ST18: variants seen among roughly 807,000 people sequenced by gnomAD.
ST18 encodes the protein ST18 C2H2C-type zinc finger transcription factor.
Under a neutral mutation model 110.0 loss-of-function variants are expected in ST18, and 50 were observed. That is an observed-to-expected ratio of 0.45 (90% CI 0.36 to 0.58). ST18 has a LOEUF of 0.58. ST18 is among the 20% of genes least tolerant of loss of function. ST18 has a pLI of 0.00. For missense variants in ST18, 1,306 were observed against 1,280.1 expected (o/e 1.02, Z -0.31); for synonymous variants, 461 against 452.4 (o/e 1.02, Z -0.24).
intron 2 of ST18, among the ~76,000 whole-genome samples, chr8:52,287,993 T>G (rs1235024774): frequency 2.0e-5 from 3 of 152,176 alleles, no homozygotes; most frequent in Non-Finnish European, 2.9e-5. Flanking sequence ...GAAATATCAG[T>G]CACAACCATA....
rs2065074516 is a variant in ST18, at chr8:52,171,842, C to G, written c.1019G>C (p.Arg340Thr). ...ACCCATGTCGATAACTTTGGTTTGCCTCCTTTCCCCTGCTAGGTGCTCCAG... is the reference window on the plus strand; with the variant it reads ...ACCCATGTCGATAACTTTGGTTTGCGTCCTTTCCCCTGCTAGGTGCTCCAG... Reference protein sequence around the residue: ...FLLEHLAGERRQTKVIDMGGR... With the variant: ...FLLEHLAGERTQTKVIDMGGR... Residue 340 changes from arginine to threonine, a missense_variant, in exon 10 of 26, where the codon AGG (arginine) becomes ACG (threonine). Arg to Thr is a moderately conservative substitution (Grantham distance 71). Coordinates refer to ENST00000689386, the MANE Select transcript of ST18 (RefSeq NM_001352837.2). The G allele has an allele frequency of 6.2e-7, 1 of 1,613,996 alleles. No homozygotes were observed. The highest frequency in any genetic ancestry group is 1.3e-5 in the African/African-American group (1 of 75,010).
chr8:52,398,310 A>G (rs1475649882), intron 2 of ST18, among the ~76,000 whole-genome samples: 1 of 152,144 alleles, frequency 6.6e-6, no homozygotes, highest in Non-Finnish European at 1.5e-5. Context: ...TAGTTTTAAG[A>G]GTTTCTGTGG....
At chr8:52,244,902 T>G (rs1289953419) in intron 2 of ST18, among the ~76,000 whole-genome samples, 2 of 152,328 alleles carry the variant, frequency 1.3e-5, no homozygotes, top group African/African-American at 4.8e-5. Flanking sequence ...ACCCTTTTGG[T>G]ATACACTGGT....
chr8:52,231,453 G>A (rs1786073965), intron 2 of ST18, among the ~76,000 whole-genome samples: 1 of 151,166 alleles, frequency 6.6e-6, no homozygotes, highest in Admixed American at 6.6e-5. Context: ...GTGGCTCTCA[G>A]ACATTAATAT....
intron 17 of ST18, among the ~76,000 whole-genome samples, chr8:52,139,545 G>A (rs1487528355): frequency 1.3e-5 from 2 of 150,016 alleles, no homozygotes; most frequent in African/African-American, 4.9e-5. Flanking sequence ...TAGTAGAGAC[G>A]GGGTTTCACC....
chr8:52,119,742 G>A (rs544139224), intron 23 of ST18, among the ~76,000 whole-genome samples: 4 of 152,094 alleles, frequency 2.6e-5, no homozygotes, highest in Non-Finnish European at 4.4e-5. Flanking sequence ...AATTTAGTGC[G>A]AAGAGAAAAA....
intron 2 of ST18, chr8:52,406,845 T>C (rs1844694532): frequency 1.3e-5 from 2 of 152,186 alleles, no homozygotes; most frequent in Admixed American, 1.3e-4. Flanking sequence ...AAAACAACCA[T>C]ACTTGATATG....
At chr8:52,153,934 T>A (rs760590760) in intron 15 of ST18, among the ~76,000 whole-genome samples, 6 of 152,238 alleles carry the variant, frequency 3.9e-5, no homozygotes, top group Admixed American at 1.3e-4. Flanking sequence ...TGGCACATAA[T>A]ACGTCTTCCA....
In ST18 at chr8:52,312,923, G is replaced by T. The variant is rs141480704; in HGVS notation, c.-464-82846C>A. Among the ~76,000 whole-genome samples the T allele has an allele frequency of 5.9e-3, 903 of 152,304 alleles. 4 individuals are homozygous for T. The highest frequency in any genetic ancestry group is 0.021 in the African/African-American group (855 of 41,570). ...GCCAGCCCCTTGGTTTCTAGAGCAA[G>T]GGCATGCTGTCCACATCTGAGAACT... On this transcript the variant is annotated intron_variant, in intron 2 of 25. Transcript: ENST00000689386.
chr8:52,159,587 G>A (rs187313523), intron 14 of ST18, among the ~76,000 whole-genome samples: 31 of 152,180 alleles, frequency 2.0e-4, no homozygotes, highest in African/African-American at 7.5e-4. Context: ...CTTAGACATG[G>A]AATTGTATTT....
At chr8:52,296,333 A>C (rs2095637313) in intron 2 of ST18, 1 of 152,164 alleles carries the variant, frequency 6.6e-6, no homozygotes, top group Non-Finnish European at 1.5e-5. Context: ...CTTTTCCCAC[A>C]TTAGGGAAGC....
intron 15 of ST18, among the ~76,000 whole-genome samples, chr8:52,156,041 C>A (rs1289492789): frequency 6.6e-6 from 1 of 152,126 alleles, no homozygotes; most frequent in Non-Finnish European, 1.5e-5. Context: ...AGCCCTCACC[C>A]AAGTTCTGGT....
chr8:52,280,057 G>A (rs910779457), intron 2 of ST18, among the ~76,000 whole-genome samples: 4 of 152,110 alleles, frequency 2.6e-5, no homozygotes, highest in Non-Finnish European at 5.9e-5. Flanking sequence ...GGTTTGAGTT[G>A]AAGAAGCCCA....
rs191144870 is a variant in ST18, at chr8:52,277,887, C to A, written c.-464-47810G>T. On this transcript the variant is annotated intron_variant, in intron 2 of 25. Transcript: ENST00000689386. The stretch of plus-strand genomic sequence containing the variant: ...TCTTTTATTTTCTGTGTTATCAGAA[C>A]AACCACACAGAATTGATAGCAATTC... 6.5e-4 allele frequency among the ~76,000 whole-genome samples: 99 copies of A among 152,238 alleles called. 2 individuals carry two copies. The East Asian group carries it at 8.3e-3, about 13-fold the overall frequency.
intron 16 of ST18, among the ~76,000 whole-genome samples, chr8:52,144,255 T>TA (rs576978761): frequency 2.0e-5 from 3 of 151,890 alleles, no homozygotes; most frequent in African/African-American, 4.8e-5. Flanking sequence ...GATGAACTAA[T>TA]AAAAAAAACT....
chr8:52,386,135 A>G (rs974019485), intron 2 of ST18, among the ~76,000 whole-genome samples: 1 of 152,192 alleles, frequency 6.6e-6, no homozygotes, highest in Non-Finnish European at 1.5e-5. Context: ...CGTCCATCCA[A>G]TGAGAAGGGA....
intron 2 of ST18, among the ~76,000 whole-genome samples, chr8:52,344,494 G>A (rs372715779): frequency 2.0e-5 from 3 of 151,764 alleles, no homozygotes; most frequent in African/African-American, 7.3e-5. Flanking sequence ...TCCACCTCCC[G>A]GGTTCAAGCC....
At chr8:52,372,609 T>TA (rs1830669137) in intron 2 of ST18, among the ~76,000 whole-genome samples, 1 of 152,212 alleles carries the variant, frequency 6.6e-6, no homozygotes, top group Admixed American at 6.5e-5. Flanking sequence ...AGTGTATTTT[T>TA]ACAGCACCTT....
At chr8:52,279,817 T>C (rs1440889085) in intron 2 of ST18, among the ~76,000 whole-genome samples, 1 of 152,072 alleles carries the variant, frequency 6.6e-6, no homozygotes, top group Non-Finnish European at 1.5e-5. Context: ...AAACACAAAT[T>C]AAAAGATTTT....
Sources: allele counts gnomAD v4.1 joint callset (sites outside exome capture counted in the v4.1 genomes callset), GRCh38; gene constraint gnomAD v4.1.1; transcripts MANE v1.5; gene names NCBI Gene and HGNC (gene_info 2026-07-23, HGNC 2026-07-21).